RIMS2: variants seen among roughly 807,000 people sequenced by gnomAD.
The protein encoded by RIMS2 is regulating synaptic membrane exocytosis protein 2.
A neutral mutation model predicts 174.4 loss-of-function variants in RIMS2; 59 were observed. The observed-to-expected ratio is 0.34, with a 90% CI of 0.27 to 0.42. The LOEUF (loss-of-function observed/expected upper bound fraction) is 0.42, where lower values mean the gene tolerates loss of function less well. Ranked by LOEUF, RIMS2 falls within the 10% of genes least tolerant of loss-of-function variation. RIMS2 has a pLI of 1.00. For synonymous variants in RIMS2, 606 were observed against 572.5 expected, an observed-to-expected ratio of 1.06 and a Z score of -0.84; for missense variants, 1,620 against 1,666.3, an observed-to-expected ratio of 0.97 and a Z score of 0.48.
intron 19 of RIMS2, among the ~76,000 whole-genome samples, chr8:104,120,313 A>G (rs1599351000): frequency 6.6e-6 from 1 of 152,198 alleles, no homozygotes; most frequent in East Asian, 1.9e-4. Context: ...TTTATCCAAA[A>G]ATGATATTAT....
In RIMS2 at chr8:103,819,747, T is replaced by C. The variant is rs1463654644; in HGVS notation, c.698+53210T>C. Reference sequence around the variant, plus strand: ...TGTTATAAAGGTGTTATCTGTTTACTGTAAATATAAAATTTTATATAGCAT... The same window carrying C: ...TGTTATAAAGGTGTTATCTGTTTACCGTAAATATAAAATTTTATATAGCAT... On this transcript the variant is annotated intron_variant, in intron 3 of 23. Transcript: ENST00000504942. 6.3e-5 allele frequency: 44 copies of C among 695,462 alleles called. 1 individual carries two copies. Among genetic ancestry groups the C allele is most frequent in the Non-Finnish European group, 9.2e-5 (41 of 444,762 alleles). The allele number at this position is 695,462 out of a possible 1,614,324, so 43.1% of individuals were successfully genotyped here. A position where few individuals can be genotyped will look rare whatever the true frequency, so the allele number is the denominator to read the frequency against.
chr8:104,122,929 T>C (rs1051397388), intron 19 of RIMS2, among the ~76,000 whole-genome samples: 1 of 152,146 alleles, frequency 6.6e-6, no homozygotes, highest in Non-Finnish European at 1.5e-5. Context: ...GAAATATGAT[T>C]CTAAAGAAAG....
At chr8:104,046,374 ATGAATTT>A (rs1450972384) in intron 19 of RIMS2, among the ~76,000 whole-genome samples, 3 of 151,908 alleles carry the variant, frequency 2.0e-5, no homozygotes, top group Non-Finnish European at 4.4e-5. Flanking sequence ...GGGTTTCAAC[ATGAATTT>A]TGAGGAGACA....
chr8:104,230,893 TTC>T (rs138440365), intron 19 of RIMS2, among the ~76,000 whole-genome samples: 19,374 of 151,980 alleles, frequency 0.13, 1,578 homozygotes, highest in African/African-American at 0.22. Context: ...ACTCTTTTTT[TTC>T]TTTTCCTGAA....
intron 19 of RIMS2, among the ~76,000 whole-genome samples, chr8:104,182,078 A>T (rs2135975895): frequency 6.6e-6 from 1 of 151,886 alleles, no homozygotes; most frequent in Admixed American, 6.6e-5. Context: ...CATATTTGAA[A>T]GTTATAATAT....
intron 1 of RIMS2, among the ~76,000 whole-genome samples, chr8:103,628,083 AT>A (rs2095829068): frequency 6.6e-6 from 1 of 152,216 alleles, no homozygotes; most frequent in Non-Finnish European, 1.5e-5. Flanking sequence ...TCATTATAAT[AT>A]TAGCAAATTA....
exon 6 of RIMS2, chr8:103,912,063 C>A: frequency 6.3e-7 from 1 of 1,591,584 alleles, no homozygotes; most frequent in Non-Finnish European, 8.6e-7. Flanking sequence ...CACCCTGTAA[C>A]CTGGCAACCA....
chr8:103,874,172 G>C (rs1191001985), intron 3 of RIMS2, among the ~76,000 whole-genome samples: 1 of 152,020 alleles, frequency 6.6e-6, no homozygotes, highest in African/African-American at 2.4e-5. Flanking sequence ...TAGTGGCTGT[G>C]AGAGTTACAT....
chr8:104,021,372 A>G (rs2154554967), intron 19 of RIMS2, among the ~76,000 whole-genome samples: 1 of 152,236 alleles, frequency 6.6e-6, no homozygotes, highest in Non-Finnish European at 1.5e-5. Flanking sequence ...ACATCTCAAC[A>G]TGTTTTTACA....
chr8:104,029,758 A>C (rs931298131), intron 19 of RIMS2, among the ~76,000 whole-genome samples: 1 of 152,164 alleles, frequency 6.6e-6, no homozygotes, highest in Non-Finnish European at 1.5e-5. Flanking sequence ...GGAACATCAC[A>C]AATTTATGAA....
At chr8:104,223,831 T>C (rs1313526390) in intron 19 of RIMS2, 1 of 1,558,266 alleles carries the variant, frequency 6.4e-7, no homozygotes, top group Admixed American at 1.7e-5. Context: ...TGTCTCTATC[T>C]GTTTAGAAAG....
At chr8:104,017,642 G>T (rs1321732664) in intron 19 of RIMS2, among the ~76,000 whole-genome samples, 1 of 151,880 alleles carries the variant, frequency 6.6e-6, no homozygotes, top group Non-Finnish European at 1.5e-5. Context: ...ACTTTACCCA[G>T]TTATCCACAT....
intron 1 of RIMS2, among the ~76,000 whole-genome samples, chr8:103,612,736 G>A (rs1208495545): frequency 6.6e-6 from 1 of 152,054 alleles, no homozygotes; most frequent in Non-Finnish European, 1.5e-5. Flanking sequence ...GTGCCACCAT[G>A]CCTGGCTGAT....
chr8:103,931,101 A>G (rs1008453611), intron 11 of RIMS2, among the ~76,000 whole-genome samples, 162 bp from the exon 14 acceptor site: 2 of 152,150 alleles, frequency 1.3e-5, no homozygotes, highest in African/African-American at 4.8e-5. Flanking sequence ...CATTGAAGTT[A>G]TTATAGTATA....
intron 3 of RIMS2, among the ~76,000 whole-genome samples, chr8:103,795,622 T>G (rs1434549742): frequency 6.6e-6 from 1 of 151,718 alleles, no homozygotes; most frequent in Non-Finnish European, 1.5e-5. Flanking sequence ...AAAAAGAGGA[T>G]AAGCCTGTAT....
intron 3 of RIMS2, among the ~76,000 whole-genome samples, chr8:103,868,946 CCAAAATTCATCATAACTATTTAACTG>C (rs1273208749): frequency 6.6e-6 from 1 of 151,962 alleles, no homozygotes; most frequent in Non-Finnish European, 1.5e-5. Context: ...ATACTTTATA[CCAAAATTCATCATAACTATTTAACTG>C]CAAGTACTTA....
chr8:103,566,120 A>G (rs370398477), intron 1 of RIMS2, among the ~76,000 whole-genome samples: 2 of 152,244 alleles, frequency 1.3e-5, no homozygotes, highest in East Asian at 1.9e-4. Context: ...TATAATAATG[A>G]GTTTATAATT....
At chr8:103,676,169 G>C (rs1459049425) in intron 1 of RIMS2, among the ~76,000 whole-genome samples, 1 of 152,148 alleles carries the variant, frequency 6.6e-6, no homozygotes, top group Non-Finnish European at 1.5e-5. Flanking sequence ...TAGTGACCTA[G>C]TCTTCCCTTT....
Position 103,677,241 on chromosome 8 carries a change from C to T in RIMS2, c.177-19845C>T, listed in dbSNP as rs1211931128. ...GATCAACTTAGCCAATGATTTTTTC[C>T]TACTTAAGTGTGTAAAAAAAAAAGA... On this transcript the variant is annotated intron_variant, in intron 1 of 23. Coordinates refer to ENST00000504942, the Ensembl canonical transcript of RIMS2. Among the ~76,000 whole-genome samples the T allele has an allele frequency of 2.0e-5, 3 of 150,418 alleles. No individual in the cohort carries two copies. The East Asian group carries it at 5.8e-4, about 29-fold the overall frequency.
Sources: allele counts gnomAD v4.1 joint callset (sites outside exome capture counted in the v4.1 genomes callset), GRCh38; gene constraint gnomAD v4.1.1; transcripts MANE v1.5; gene names NCBI Gene and HGNC (gene_info 2026-07-23, HGNC 2026-07-21).